The following ZNF407 variants were observed in gnomAD, a reference collection of about 807,000 sequenced individuals.
The protein encoded by ZNF407 is zinc finger protein 407.
In ZNF407, 17 loss-of-function variants were observed where a neutral mutation model predicts 131.2. That is an observed-to-expected ratio of 0.13 (90% CI 0.09 to 0.19). The LOEUF is 0.19. ZNF407 is among the 10% of genes least tolerant of loss of function. ZNF407 has a pLI of 1.00. For missense variants in ZNF407, 2,681 were observed against 2,830.6 expected, an observed-to-expected ratio of 0.95 and a Z score of 1.20; for synonymous variants, 1,156 against 1,062.0, an observed-to-expected ratio of 1.09 and a Z score of -1.72.
chr18:74,769,111 A>G (rs889926223), intron 3 of ZNF407, among the ~76,000 whole-genome samples: 1 of 152,134 alleles, frequency 6.6e-6, no homozygotes, highest in Admixed American at 6.6e-5. Context: ...TTTAATCTTC[A>G]TAGCAACCCT....
intron 8 of ZNF407, among the ~76,000 whole-genome samples, chr18:75,050,028 A>T (rs1973481672): frequency 6.6e-6 from 1 of 152,186 alleles, no homozygotes; most frequent in African/African-American, 2.4e-5. Context: ...AGGACTTTAC[A>T]TTTATTTGCA....
intron 7 of ZNF407, among the ~76,000 whole-genome samples, chr18:74,903,606 T>C (rs1321406302): frequency 6.6e-6 from 1 of 152,158 alleles, no homozygotes; most frequent in Non-Finnish European, 1.5e-5. Flanking sequence ...AGCATCTCAC[T>C]TTGCTACACC....
intron 8 of ZNF407, among the ~76,000 whole-genome samples, chr18:74,980,292 C>T (rs962209985): frequency 6.7e-6 from 1 of 148,686 alleles, no homozygotes; most frequent in Admixed American, 6.8e-5. Flanking sequence ...TCACTGGACA[C>T]AGTGTTAATT....
chr18:75,015,754 C>CA lies in ZNF407; in HGVS notation c.5429-47389dup, dbSNP rs888753310. 1.3e-4 allele frequency among the ~76,000 whole-genome samples: 20 copies of CA among 151,470 alleles called. No homozygotes were observed. In the South Asian group the frequency reaches 1.9e-3, roughly 14 times the overall value. ...ATAGTTCTCATCAAAAGTACCCTGG[C>CA]AAAAAAATAACACTAGATTTATCAC... is the stretch of plus-strand genomic sequence containing the variant. On this transcript the variant is annotated intron_variant, in intron 8 of 8. Coordinates refer to ENST00000299687, the MANE Select transcript of ZNF407 (RefSeq NM_017757.3).
intron 8 of ZNF407, among the ~76,000 whole-genome samples, chr18:74,935,812 G>C (rs1043192933): frequency 1.3e-5 from 2 of 152,150 alleles, no homozygotes; most frequent in African/African-American, 2.4e-5. Flanking sequence ...TACAGTAAAA[G>C]CTGAAAAAGG....
chr18:74,707,820 A>G (rs1967663243), intron 3 of ZNF407, among the ~76,000 whole-genome samples: 1 of 152,174 alleles, frequency 6.6e-6, no homozygotes, highest in Non-Finnish European at 1.5e-5. Flanking sequence ...TGTATCTCCT[A>G]CATCTGGTGC....
intron 1 of ZNF407, among the ~76,000 whole-genome samples, chr18:74,625,469 G>GTGCAC (rs1259397130): frequency 6.6e-6 from 1 of 152,182 alleles, no homozygotes; most frequent in Admixed American, 6.5e-5. Context: ...AGGGACAGTC[G>GTGCAC]TGCACTGCAG....
intron 3 of ZNF407, among the ~76,000 whole-genome samples, chr18:74,676,219 G>A (rs1986353307): frequency 6.6e-6 from 1 of 151,724 alleles, no homozygotes; most frequent in Non-Finnish European, 1.5e-5. Flanking sequence ...AGCCTCCTGA[G>A]TAGCTGGGAT....
At chr18:74,962,741 C>G (rs959755412) in intron 8 of ZNF407, among the ~76,000 whole-genome samples, 4 of 152,242 alleles carry the variant, frequency 2.6e-5, no homozygotes, top group African/African-American at 4.8e-5. Context: ...ATTCTGAAAC[C>G]CTTCTGAGTG....
At position 74,607,202 on chromosome 18, in the gene ZNF407, C is replaced by T. The variant is rs530290782; in HGVS notation, c.-54+9265C>T. 2.1e-4 allele frequency among the ~76,000 whole-genome samples: 32 copies of T among 152,280 alleles called. No individual in the cohort carries two copies. In the South Asian group the frequency reaches 2.9e-3, roughly 14 times the overall value. ...ATCGGAGTCACCCAGAGGGTTTGGG[C>T]ATCAACCAGAAACTGGCTCAGCAGG... On this transcript the variant is annotated intron_variant, in intron 1 of 8. Coordinates refer to ENST00000299687, the MANE Select transcript of ZNF407 (RefSeq NM_017757.3).
At chr18:74,917,046 G>A (rs1971781555) in intron 7 of ZNF407, among the ~76,000 whole-genome samples, 1 of 152,046 alleles carries the variant, frequency 6.6e-6, no homozygotes, top group Admixed American at 6.5e-5. Flanking sequence ...GGGTGACAAC[G>A]GCACGAGAGT....
At chr18:74,743,398 A>G (rs1968595355) in intron 3 of ZNF407, among the ~76,000 whole-genome samples, 1 of 152,040 alleles carries the variant, frequency 6.6e-6, no homozygotes, top group African/African-American at 2.4e-5. Context: ...TGTACACAAG[A>G]TGTCTCGATT....
chr18:74,770,328 GT>G (rs1158129184), intron 3 of ZNF407, among the ~76,000 whole-genome samples: 1 of 152,022 alleles, frequency 6.6e-6, no homozygotes, highest in Non-Finnish European at 1.5e-5. Flanking sequence ...AGTCTGGAAG[GT>G]GAAGGCTGCA....
intron 3 of ZNF407, among the ~76,000 whole-genome samples, chr18:74,722,640 T>C (rs1025630706): frequency 6.6e-6 from 1 of 152,158 alleles, no homozygotes; most frequent in African/African-American, 2.4e-5. Context: ...AGTTGAGGAG[T>C]TGGTGGAGGG....
chr18:74,642,443 A>G (rs1272151880), intron 3 of ZNF407, among the ~76,000 whole-genome samples: 3 of 152,144 alleles, frequency 2.0e-5, no homozygotes, highest in South Asian at 2.1e-4. Flanking sequence ...AAAATTTGCT[A>G]TTAGGTGGCA....
At chr18:74,601,321 G>A (rs1568309557) in intron 1 of ZNF407, among the ~76,000 whole-genome samples, 1 of 117,858 alleles carries the variant, frequency 8.5e-6, no homozygotes, top group South Asian at 3.2e-4. Context: ...GTGTGTGTGT[G>A]TGTATGTCTG....
chr18:75,030,390 C>T lies in ZNF407; in HGVS notation c.5429-32760C>T, dbSNP rs1973226064. On this transcript the variant is annotated intron_variant, in intron 8 of 8. Coordinates refer to ENST00000299687, the MANE Select transcript of ZNF407 (RefSeq NM_017757.3). The stretch of plus-strand genomic sequence containing the variant: ...GATTAAATTATGGCTTTCACAGATT[C>T]TGTCTGAAATATAATTGAGAATTAT... Among the ~76,000 whole-genome samples, 6 of 152,258 alleles carry T rather than the reference C, an allele frequency of 3.9e-5. No homozygotes were observed. The South Asian group carries it at 1.2e-3, about 32-fold the overall frequency.
At chr18:74,937,288 A>C (rs912571456) in intron 8 of ZNF407, among the ~76,000 whole-genome samples, 1 of 152,230 alleles carries the variant, frequency 6.6e-6, no homozygotes, top group African/African-American at 2.4e-5. Context: ...ACTATTTGCC[A>C]GATATGAGGC....
chr18:74,970,799 C>T (rs552198177), intron 8 of ZNF407, among the ~76,000 whole-genome samples: 2 of 152,336 alleles, frequency 1.3e-5, no homozygotes, highest in African/African-American at 2.4e-5. Flanking sequence ...CTCACAGCTC[C>T]GCTAGGTGGT....
Sources: allele counts gnomAD v4.1 joint callset (sites outside exome capture counted in the v4.1 genomes callset), GRCh38; gene constraint gnomAD v4.1.1; transcripts MANE v1.5; gene names NCBI Gene and HGNC (gene_info 2026-07-23, HGNC 2026-07-21).